Variants in PLCZ1 observed in about 807,000 individuals in gnomAD.
PLCZ1 encodes the protein phospholipase C zeta 1, also known as 1-phosphatidylinositol 4,5-bisphosphate phosphodiesterase zeta-1.
Under a neutral mutation model 76.8 loss-of-function variants are expected in PLCZ1, and 64 were observed. That is an observed-to-expected ratio of 0.83 (90% CI 0.68 to 1.03). The LOEUF (loss-of-function observed/expected upper bound fraction) is 1.03. Among genes scored for constraint, PLCZ1 ranks in the 50% least tolerant of loss-of-function variants. The pLI is 0.00. For synonymous variants in PLCZ1, 248 were observed against 230.8 expected, an observed-to-expected ratio of 1.07 and a Z score of -0.68; for missense variants, 751 against 713.7, an observed-to-expected ratio of 1.05 and a Z score of -0.60.
At chr12:18,685,137 CTTAG>C (rs893670363) in intron 13 of PLCZ1, among the ~76,000 whole-genome samples, 2 of 152,026 alleles carry the variant, frequency 1.3e-5, no homozygotes. Context: ...GAGTTCCATA[CTTAG>C]TTGTTAGACT....
At chr12:18,736,809 A>C in intron 2 of PLCZ1, 1 of 588,200 alleles carries the variant, frequency 1.7e-6, no homozygotes, top group Non-Finnish European at 2.9e-6. Flanking sequence ...AGTTTCTGCT[A>C]CTTAGTGTTC....
the PLCZ1 span, among the ~76,000 whole-genome samples, chr12:18,667,480 A>G: frequency 6.2e-4 from 95 of 152,190 alleles, no homozygotes; most frequent in Non-Finnish European, 1.2e-3. Context: ...TTTTGAGAAT[A>G]TAATTTTAGT....
the PLCZ1 span, among the ~76,000 whole-genome samples, chr12:18,670,922 C>A: frequency 6.6e-6 from 1 of 152,090 alleles, no homozygotes. Context: ...GTGGCTCATG[C>A]CTGTAATCCC....
At chr12:18,677,802 T>C in the PLCZ1 span, among the ~76,000 whole-genome samples, 21 of 152,180 alleles carry the variant, frequency 1.4e-4, no homozygotes, top group East Asian at 3.5e-3. Context: ...TGTAGATAGA[T>C]CTAAAAAATA....
At chr12:18,685,870 ATAC>A (rs1263921620) in intron 13 of PLCZ1, among the ~76,000 whole-genome samples, 2 of 71,918 alleles carry the variant, frequency 2.8e-5, no homozygotes, top group East Asian at 8.6e-4. Flanking sequence ...ACACACACAC[ATAC>A]AATAATATGG....
At chr12:18,719,997 C>T (rs965864946) in intron 4 of PLCZ1, among the ~76,000 whole-genome samples, 2 of 152,080 alleles carry the variant, frequency 1.3e-5, no homozygotes, top group Non-Finnish European at 2.9e-5. Flanking sequence ...AGCCTGCCTC[C>T]GACTAACTTC....
intron 6 of PLCZ1, among the ~76,000 whole-genome samples, chr12:18,706,440 T>C (rs1279065121): frequency 6.6e-6 from 1 of 152,296 alleles, no homozygotes; most frequent in East Asian, 1.9e-4. Context: ...ATATTCTGCT[T>C]TTTCAGTTTT....
intron 4 of PLCZ1, among the ~76,000 whole-genome samples, chr12:18,722,000 C>A (rs968222423): frequency 6.6e-6 from 1 of 152,050 alleles, no homozygotes; most frequent in African/African-American, 2.4e-5. Flanking sequence ...CTCTCTCATT[C>A]TCAAAGTTCT....
At chr12:18,712,692 A>C (rs979985280) in intron 6 of PLCZ1, 150 bp downstream of exon 6, 2 of 953,082 alleles carry the variant, frequency 2.1e-6, no homozygotes, top group Non-Finnish European at 3.2e-6. Context: ...TTAACTATAT[A>C]CAACATGGAT....
At chr12:18,736,938 T>C (rs1344499586) in intron 2 of PLCZ1, among the ~76,000 whole-genome samples, 5 of 145,826 alleles carry the variant, frequency 3.4e-5, no homozygotes, top group Admixed American at 1.4e-4. Flanking sequence ...TGAGTGTATA[T>C]TTGGTATGAA....
chr12:18,699,830 C>G lies in PLCZ1; in HGVS notation c.1138G>C (p.Gly380Arg). ...GAAAGTTTTCGGGCTTGTGTCTCCC[C>G]AATAGAATTATTTTCATTAAATTGC... ...YQQFNENNSIGETQARKLSKL... is the reference protein window; with the variant it reads ...YQQFNENNSIRETQARKLSKL... The change falls in exon 10 of 15, where the codon GGG (glycine) becomes CGG (arginine). Residue 380 changes from glycine (G) to arginine (R), a missense_variant. Coordinates refer to ENST00000266505, the MANE Select transcript of PLCZ1 (RefSeq NM_033123.4). The G allele has an allele frequency of 6.2e-7, 1 of 1,613,356 alleles. No individual in the cohort carries two copies. The highest frequency in any genetic ancestry group is 1.1e-5 in the South Asian group (1 of 91,062).
At chr12:18,729,876 T>C (rs1958948004) in intron 3 of PLCZ1, among the ~76,000 whole-genome samples, 1 of 152,088 alleles carries the variant, frequency 6.6e-6, no homozygotes, top group Admixed American at 6.6e-5. Context: ...TGTCACCTTG[T>C]AAGAAAATAA....
rs1440157291 is a variant in PLCZ1, at chr12:18,688,855, T to C, written c.1462-637A>G. ...CTGACTTAGGCTAAGAGATAGAAGA[T>C]ATAAGCCTAAAAACGCAGTTATAAA... On this transcript the variant is annotated intron_variant, in intron 12 of 14. Coordinates refer to ENST00000266505, the MANE Select transcript of PLCZ1 (RefSeq NM_033123.4). Among the ~76,000 whole-genome samples, 3 of 151,996 alleles carry C rather than the reference T, an allele frequency of 2.0e-5. No individual in the cohort carries two copies. The East Asian group carries it at 5.8e-4, about 29-fold the overall frequency.
At position 18,683,315 on chromosome 12, in the gene PLCZ1, C is replaced by T. The variant is rs770563339; in HGVS notation, c.1751G>A (p.Arg584His). 1.8e-5 allele frequency: 29 copies of T among 1,612,130 alleles called. No homozygotes were observed. Among genetic ancestry groups the T allele is most frequent in the Admixed American group, 1.2e-4 (7 of 59,808 alleles). ...PLLCMNKGYRRIPLFSRMGES... is the reference protein window; with the variant it reads ...PLLCMNKGYRHIPLFSRMGES... ...ACCCATTCTGGAAAACAGAGGAATACGACGATAACCTGCAAAAGGAATTAT... is the reference window on the plus strand; with the variant it reads ...ACCCATTCTGGAAAACAGAGGAATATGACGATAACCTGCAAAAGGAATTAT... The change falls in exon 15 of 15, where the codon CGT becomes CAT. Residue 584 changes from arginine to histidine, a missense_variant. By Grantham distance (29) the Arg-to-His change is conservative. Coordinates refer to ENST00000266505, the MANE Select transcript of PLCZ1 (RefSeq NM_033123.4).
intron 4 of PLCZ1, among the ~76,000 whole-genome samples, chr12:18,719,913 A>G (rs1219844371): frequency 6.6e-6 from 1 of 152,088 alleles, no homozygotes; most frequent in Non-Finnish European, 1.5e-5. Flanking sequence ...ATTATGGACC[A>G]ATGAACTTCG....
rs1472582783 is a variant in PLCZ1, at chr12:18,683,402, G to T, written c.1742-78C>A. The T allele has an allele frequency of 2.7e-6, 4 of 1,503,374 alleles. No homozygotes were observed. The East Asian group carries it at 6.8e-5, about 26-fold the overall frequency. The allele number at this position is 1,503,374 out of a possible 1,614,324, so 93.1% of individuals were successfully genotyped here. ...CTCCAATAGCCTTGCTGAGAAACAA[G>T]AGCTCTTTACTAAGCCTACATTAAA... On this transcript the variant is annotated intron_variant, in intron 14 of 14. Coordinates refer to ENST00000266505, the MANE Select transcript of PLCZ1 (RefSeq NM_033123.4).
chr12:18,705,363 A>G (rs1429905634), intron 6 of PLCZ1, 48 bp from the exon 7 acceptor site: 2 of 1,598,754 alleles, frequency 1.3e-6, no homozygotes, highest in East Asian at 4.5e-5. Context: ...CTTCTAAATA[A>G]TTGTAAGGCA....
At chr12:18,734,417 C>A (rs1013887360) in intron 3 of PLCZ1, among the ~76,000 whole-genome samples, 1 of 152,132 alleles carries the variant, frequency 6.6e-6, no homozygotes, top group Admixed American at 6.6e-5. Context: ...GTGGCGCAAT[C>A]TCAGCTCACT....
At chr12:18,714,890 A>G (rs1406464138) in intron 5 of PLCZ1, 1 of 152,070 alleles carries the variant, frequency 6.6e-6, no homozygotes, top group Non-Finnish European at 1.5e-5. Flanking sequence ...ACCCTGCTGT[A>G]AGTCATGACA....
Sources: allele counts gnomAD v4.1 joint callset (sites outside exome capture counted in the v4.1 genomes callset), GRCh38; gene constraint gnomAD v4.1.1; transcripts MANE v1.5; gene names NCBI Gene and HGNC (gene_info 2026-07-23, HGNC 2026-07-21).